SCHIP1: variants seen among roughly 807,000 people sequenced by gnomAD.
The protein encoded by SCHIP1 is schwannomin interacting protein 1, also known as schwannomin-interacting protein 1.
In SCHIP1, 8 loss-of-function variants were observed where a neutral mutation model predicts 29.7. That is an observed-to-expected ratio of 0.27 (90% CI 0.16 to 0.49). The LOEUF is 0.49. SCHIP1 is among the 20% of genes least tolerant of loss of function. The pLI is 0.99. For synonymous variants in SCHIP1, 76 were observed against 94.9 expected (o/e 0.80, Z 1.16); for missense variants, 193 against 294.6 (o/e 0.66, Z 2.52).
the SCHIP1 span, among the ~76,000 whole-genome samples, chr3:159,531,973 A>G: frequency 6.6e-6 from 1 of 152,220 alleles, no homozygotes; most frequent in Non-Finnish European, 1.5e-5. Flanking sequence ...GGAGATTCTG[A>G]AGTATGCACT....
chr3:159,536,867 T>A, the SCHIP1 span, among the ~76,000 whole-genome samples: 1 of 152,230 alleles, frequency 6.6e-6, no homozygotes, highest in Non-Finnish European at 1.5e-5. Context: ...CATCTCTTCC[T>A]AATTATTTCA....
At chr3:159,618,938 T>A in the SCHIP1 span, among the ~76,000 whole-genome samples, 1 of 152,184 alleles carries the variant, frequency 6.6e-6, no homozygotes, top group Non-Finnish European at 1.5e-5. Context: ...TCATCTCACC[T>A]CAGTACTCTT....
At chr3:159,441,767 C>G in the SCHIP1 span, among the ~76,000 whole-genome samples, 6 of 152,200 alleles carry the variant, frequency 3.9e-5, no homozygotes, top group Admixed American at 2.0e-4. Context: ...CTGGAGAGAA[C>G]AGAGCAGAGG....
chr3:159,377,145 G>T, the SCHIP1 span, among the ~76,000 whole-genome samples: 3 of 152,132 alleles, frequency 2.0e-5, no homozygotes, highest in Non-Finnish European at 4.4e-5. Context: ...CAGCTAGATT[G>T]TGGAAAAATG....
the SCHIP1 span, among the ~76,000 whole-genome samples, chr3:159,418,057 A>G: frequency 1.3e-5 from 2 of 152,194 alleles, no homozygotes; most frequent in Non-Finnish European, 2.9e-5. Flanking sequence ...ACATTGTTGT[A>G]TGGCCACTGA....
chr3:159,712,254 C>G, the SCHIP1 span, among the ~76,000 whole-genome samples: 1 of 152,176 alleles, frequency 6.6e-6, no homozygotes, highest in Non-Finnish European at 1.5e-5. Flanking sequence ...AGCTATCCAG[C>G]CTCTGGGGGT....
the SCHIP1 span, among the ~76,000 whole-genome samples, chr3:159,409,679 G>A: frequency 2.0e-5 from 3 of 152,054 alleles, no homozygotes; most frequent in African/African-American, 7.2e-5. Context: ...CGGAATAGAA[G>A]AATCAATATT....
At chr3:159,333,993 C>G in the SCHIP1 span, among the ~76,000 whole-genome samples, 4 of 152,122 alleles carry the variant, frequency 2.6e-5, no homozygotes, top group Non-Finnish European at 5.9e-5. Flanking sequence ...AGAAAGCAAG[C>G]AATAACACAT....
the SCHIP1 span, among the ~76,000 whole-genome samples, chr3:159,538,104 G>T: frequency 6.6e-6 from 1 of 152,146 alleles, no homozygotes; most frequent in Non-Finnish European, 1.5e-5. Flanking sequence ...TAATTATAAT[G>T]ATTACAATGG....
chr3:159,457,680 G>T, the SCHIP1 span, among the ~76,000 whole-genome samples: 1 of 152,012 alleles, frequency 6.6e-6, no homozygotes, highest in Non-Finnish European at 1.5e-5. Context: ...ATCCTCAGAG[G>T]ATATGTTCCA....
chr3:159,897,137 A>C (rs1718124544), exon 7 of SCHIP1: 1 of 165,494 alleles, frequency 6.0e-6, no homozygotes, highest in South Asian at 1.8e-4. Flanking sequence ...TTAAAGAAGA[A>C]CTGTAAATGA....
At chr3:159,589,625 A>G in the SCHIP1 span, among the ~76,000 whole-genome samples, 1 of 152,144 alleles carries the variant, frequency 6.6e-6, no homozygotes, top group Non-Finnish European at 1.5e-5. Flanking sequence ...CTATTTCCTT[A>G]GCTAAACTTT....
chr3:159,424,444 C>T, the SCHIP1 span, among the ~76,000 whole-genome samples: 25 of 151,596 alleles, frequency 1.6e-4, no homozygotes, highest in Admixed American at 7.9e-4. Context: ...GTATCAGTGA[C>T]GGAAGATGAA....
the SCHIP1 span, among the ~76,000 whole-genome samples, chr3:159,344,472 G>T: frequency 2.6e-5 from 4 of 152,198 alleles, no homozygotes; most frequent in South Asian, 4.1e-4. Flanking sequence ...CATATTGGGG[G>T]TATTTACTCT....
At chr3:159,455,339 C>T in the SCHIP1 span, among the ~76,000 whole-genome samples, 1 of 152,178 alleles carries the variant, frequency 6.6e-6, no homozygotes, top group Non-Finnish European at 1.5e-5. Flanking sequence ...CCCTGGAGGA[C>T]TTCAGCTAAC....
chr3:159,774,096 A>G, the SCHIP1 span, among the ~76,000 whole-genome samples: 1 of 152,244 alleles, frequency 6.6e-6, no homozygotes, highest in African/African-American at 2.4e-5. Context: ...AAAAATGAAT[A>G]TAAGGACAGG....
the SCHIP1 span, among the ~76,000 whole-genome samples, chr3:159,802,305 C>G: frequency 2.6e-5 from 4 of 152,148 alleles, no homozygotes; most frequent in Non-Finnish European, 5.9e-5. Context: ...AAAAATGCTC[C>G]TATGTCTGAA....
At chr3:159,759,095 G>C in the SCHIP1 span, among the ~76,000 whole-genome samples, 1 of 152,174 alleles carries the variant, frequency 6.6e-6, no homozygotes, top group East Asian at 1.9e-4. Context: ...GGAAAATGTA[G>C]AAAACAAATA....
chr3:159,843,119 TC>T (rs1415352076), intron 1 of SCHIP1, among the ~76,000 whole-genome samples: 1 of 148,608 alleles, frequency 6.7e-6, no homozygotes, highest in African/African-American at 2.5e-5. Context: ...TTCAAGCAAT[TC>T]TCCTACCTCA....
Sources: gnomAD v4.1 joint callset for allele counts (sites outside exome capture counted in the v4.1 genomes callset) on GRCh38, gnomAD v4.1.1 for gene constraint, MANE v1.5 for transcripts, NCBI Gene and HGNC (gene_info 2026-07-23, HGNC 2026-07-21) for gene names.